Variants in TEX11 observed in about 807,000 individuals in gnomAD.
TEX11 encodes testis-expressed protein 11.
Under a neutral mutation model 84.4 loss-of-function variants are expected in TEX11, and 7 were observed. That is an observed-to-expected ratio of 0.08 (90% CI 0.05 to 0.16). The LOEUF is 0.16. TEX11 is among the 10% of genes least tolerant of loss of function. The pLI, the probability that TEX11 is intolerant of heterozygous loss-of-function variation, is 1.00. For missense variants in TEX11, 551 were observed against 660.5 expected, an observed-to-expected ratio of 0.83 and a Z score of 1.82; for synonymous variants, 264 against 222.8, an observed-to-expected ratio of 1.18 and a Z score of -1.64.
intron 20 of TEX11, among the ~76,000 whole-genome samples, chrX:70,621,537 AAAAAAAAAAAAAAAATATAT>A (rs1445717755): frequency 8.6e-5 from 3 of 34,988 alleles, no homozygotes; most frequent in African/African-American, 9.6e-5. Context: ...AAAAAAAAAA[AAAAAAAAAAAAAAAATATAT>A]ATATATATAT....
rs141126920 is a variant in TEX11 at position 70,647,829 on chromosome X, T to C, written c.1483+3621A>G. 8.7e-3 allele frequency among the ~76,000 whole-genome samples: 976 copies of C among 111,605 alleles called. 8 individuals carry two copies. The highest frequency in any genetic ancestry group is 0.029 in the African/African-American group (882 of 30,643). On this transcript the variant is annotated intron_variant, in intron 17 of 29. Transcript: ENST00000374333. ...CACTGTTGGTGGGACTGTAAACTAG[T>C]TCAACCATTGTGGAAGTCAGTGTGG...
Position 70,754,767 on chromosome X carries a change from GAGAA to G in TEX11, c.693-10552_693-10549del, listed in dbSNP as rs1014201805. 7.2e-5 allele frequency among the ~76,000 whole-genome samples: 8 copies of G among 110,752 alleles called. No homozygotes were observed. The Admixed American group carries it at 7.7e-4, about 11-fold the overall frequency. Reference sequence around the variant, plus strand: ...AGAGAGAGAGAGAAAGAGAGAAAGAGAGAAAGAGAGAGAGAGAGAGAGACTCTGT... The same window carrying G: ...AGAGAGAGAGAGAAAGAGAGAAAGAGAGAGAGAGAGAGAGAGAGACTCTGT... On this transcript the variant is annotated intron_variant, in intron 9 of 29. Transcript: ENST00000374333.
downstream of TEX11, among the ~76,000 whole-genome samples, chrX:70,528,575 C>T (rs982803175): frequency 9.1e-6 from 1 of 109,504 alleles, no homozygotes; most frequent in South Asian, 4.0e-4. Context: ...ATCTGCCCAC[C>T]TCAGCCTCCC....
intron 13 of TEX11, among the ~76,000 whole-genome samples, chrX:70,703,337 C>T (rs1225185900): frequency 9.0e-6 from 1 of 111,522 alleles, no homozygotes; most frequent in Non-Finnish European, 1.9e-5. Context: ...AATATCATAT[C>T]TCATGTTACA....
intron 25 of TEX11, among the ~76,000 whole-genome samples, chrX:70,589,036 T>A (rs1569343177): frequency 9.0e-6 from 1 of 110,744 alleles, no homozygotes; most frequent in Non-Finnish European, 1.9e-5. Context: ...ATGGGGAAAT[T>A]ATTCTTTAAT....
chrX:70,862,894 A>G (rs756001319), intron 4 of TEX11, among the ~76,000 whole-genome samples: 9 of 106,356 alleles, frequency 8.5e-5, no homozygotes, highest in South Asian at 4.5e-4. Flanking sequence ...CAGCCTGGGC[A>G]ATAAGAACAC....
intron 8 of TEX11, among the ~76,000 whole-genome samples, chrX:70,823,953 G>T: frequency 9.0e-6 from 1 of 111,694 alleles, no homozygotes; most frequent in Non-Finnish European, 1.9e-5. Flanking sequence ...CTGAAAGATG[G>T]AGGTTACAGT....
At chrX:70,535,773 GTT>G (rs1307477395) in intron 28 of TEX11, among the ~76,000 whole-genome samples, 3 of 101,436 alleles carry the variant, frequency 3.0e-5, no homozygotes, top group Non-Finnish European at 6.1e-5. Context: ...AAACTTATGG[GTT>G]TTTTTTTTTT....
At position 70,715,167 on chromosome X, in the gene TEX11, T is replaced by TA. The variant is rs747799070; in HGVS notation, c.1004+7450dup. On this transcript the variant is annotated intron_variant, in intron 13 of 29. Coordinates refer to ENST00000374333, the MANE Select transcript of TEX11 (RefSeq NM_031276.3). Reference sequence around the variant, plus strand: ...GAGTTTCTGCTGAGAGATCAGCTGTTAGTCTGATGGGCTTCCCTTTGTGGG... The same window carrying TA: ...GAGTTTCTGCTGAGAGATCAGCTGTTAAGTCTGATGGGCTTCCCTTTGTGGG... 7.3e-5 allele frequency among the ~76,000 whole-genome samples: 8 copies of TA among 109,772 alleles called. No individual in the cohort carries two copies. In the East Asian group the frequency reaches 2.3e-3, roughly 32 times the overall value.
chrX:70,569,320 A>T (rs2088549995), intron 25 of TEX11, among the ~76,000 whole-genome samples: 1 of 111,238 alleles, frequency 9.0e-6, no homozygotes, highest in African/African-American at 3.3e-5. Context: ...AATTTTTTTC[A>T]AAGTTTTCAA....
intron 9 of TEX11, among the ~76,000 whole-genome samples, chrX:70,753,018 G>T (rs901631687): frequency 2.3e-4 from 25 of 110,273 alleles, no homozygotes; most frequent in African/African-American, 6.3e-4. Context: ...AAACCAGCCC[G>T]AGTCAGAATG....
At chrX:70,541,744 C>T (rs79761336) in intron 28 of TEX11, among the ~76,000 whole-genome samples, 2 of 111,850 alleles carry the variant, frequency 1.8e-5, no homozygotes, top group Admixed American at 9.5e-5. Flanking sequence ...GGTGACAGAG[C>T]GAGACTCTGT....
intron 7 of TEX11, among the ~76,000 whole-genome samples, chrX:70,839,580 C>T (rs998717998): frequency 9.8e-5 from 11 of 111,801 alleles, no homozygotes; most frequent in African/African-American, 3.2e-4. Context: ...AAAGTCAGAG[C>T]GCCTCTCCTC....
chrX:70,557,394 C>T (rs1405534541), intron 25 of TEX11, among the ~76,000 whole-genome samples: 4 of 107,238 alleles, frequency 3.7e-5, no homozygotes, highest in Non-Finnish European at 5.8e-5. Flanking sequence ...CACTTGAACC[C>T]GGGAGGCAGA....
intron 17 of TEX11, among the ~76,000 whole-genome samples, chrX:70,637,264 G>T (rs188295739): frequency 4.5e-5 from 5 of 112,158 alleles, no homozygotes. Context: ...TGCTGGCAAG[G>T]TTGTGTGTGG....
intron 28 of TEX11, among the ~76,000 whole-genome samples, chrX:70,541,475 C>T (rs900740375): frequency 1.8e-5 from 2 of 111,328 alleles, no homozygotes; most frequent in Non-Finnish European, 3.8e-5. Flanking sequence ...GTTTTGTTAT[C>T]GTTGGGGGAA....
chrX:70,777,542 G>A (rs1293213952), intron 9 of TEX11, among the ~76,000 whole-genome samples: 1 of 111,781 alleles, frequency 8.9e-6, no homozygotes, highest in African/African-American at 3.2e-5. Context: ...CCAGCTACTC[G>A]GGAGGCTGAG....
intron 17 of TEX11, among the ~76,000 whole-genome samples, chrX:70,640,383 G>A (rs1376774853): frequency 2.9e-5 from 3 of 104,075 alleles, no homozygotes; most frequent in East Asian, 6.1e-4. Context: ...AATCTAGCAA[G>A]GCAGGCCAAC....
At chrX:70,545,938 C>T in intron 28 of TEX11, among the ~76,000 whole-genome samples, 1 of 112,051 alleles carries the variant, frequency 8.9e-6, no homozygotes, top group East Asian at 2.8e-4. Flanking sequence ...AGTCAGGATC[C>T]TCAGATATTA....
Sources: gnomAD v4.1 joint callset for allele counts (sites outside exome capture counted in the v4.1 genomes callset) on GRCh38, gnomAD v4.1.1 for gene constraint, MANE v1.5 for transcripts, NCBI Gene and HGNC (gene_info 2026-07-23, HGNC 2026-07-21) for gene names.